LPIN1: variants seen among roughly 807,000 people sequenced by gnomAD.
LPIN1 encodes the protein phosphatidate phosphatase LPIN1.
LPIN1 carries 71 observed loss-of-function variants against 107.5 expected under a neutral mutation model. The observed-to-expected ratio is 0.66, with a 90% CI of 0.55 to 0.80. LPIN1 has a LOEUF of 0.80. Among genes scored for constraint, LPIN1 ranks in the 30% least tolerant of loss-of-function variants. The pLI, the probability that LPIN1 is intolerant of heterozygous loss-of-function variation, is 0.00. For missense variants in LPIN1, 1,043 were observed against 1,160.6 expected (o/e 0.90, Z 1.47); for synonymous variants, 445 against 452.6 (o/e 0.98, Z 0.21).
chr2:11,690,647 A>G (rs952218811), intron 1 of LPIN1, among the ~76,000 whole-genome samples: 1 of 151,954 alleles, frequency 6.6e-6, no homozygotes, highest in African/African-American at 2.4e-5. Flanking sequence ...TTCTTTCTTA[A>G]TCTCTTTGAC....
At chr2:11,805,218 A>T (rs1678467404) in intron 17 of LPIN1, 62 bp downstream of exon 17, 1 of 1,266,366 alleles carries the variant, frequency 7.9e-7, no homozygotes, top group Admixed American at 1.7e-5. Context: ...CGCACTCTGC[A>T]TATGGAATCT....
chr2:11,819,739 C>T, intron 19 of LPIN1, 141 bp downstream of exon 19: 1 of 758,566 alleles, frequency 1.3e-6, no homozygotes, highest in South Asian at 1.4e-5. Context: ...AGCCACTTGC[C>T]CACATCTAAA....
chr2:11,686,724 G>A (rs915689992), intron 1 of LPIN1, among the ~76,000 whole-genome samples: 1 of 152,156 alleles, frequency 6.6e-6, no homozygotes, highest in Non-Finnish European at 1.5e-5. Context: ...CTCACCTTCT[G>A]CTCTCATCAC....
chr2:11,802,996 G>A lies in LPIN1; in HGVS notation c.1976G>A (p.Ser659Asn). The change falls in exon 15 of 21, where the codon AGC (serine) becomes AAC (asparagine). Residue 659 changes from serine to asparagine, a missense_variant. Physicochemically the swap from Ser to Asn is conservative, Grantham distance 46. Transcript: ENST00000674199. ...AGHLPLLPNV[S>N]YKKTLRLTSE... ...CACCTCCCTCTTCTGCCTAATGTCA[G>A]CTACAAGAAGACTCTCCGGCTGACT... 6.2e-7 allele frequency: 1 copy of A among 1,613,042 alleles called. No individual in the cohort carries two copies. The highest frequency in any genetic ancestry group is 8.5e-7 in the Non-Finnish European group (1 of 1,180,026).
chr2:11,747,349 A>G (rs747421053), intron 1 of LPIN1, among the ~76,000 whole-genome samples: 4 of 152,258 alleles, frequency 2.6e-5, no homozygotes, highest in Non-Finnish European at 5.9e-5. Context: ...GGGCAAGGCC[A>G]GGAAAATGCA....
upstream of LPIN1, chr2:11,746,584 TGCCCC>T: frequency 1.1e-6 from 1 of 897,412 alleles, no homozygotes; most frequent in Non-Finnish European, 1.3e-6. Flanking sequence ...CCCCCGCCCC[TGCCCC>T]GCCCCCGAAG....
At chr2:11,685,434 A>G (rs775951595) in intron 1 of LPIN1, among the ~76,000 whole-genome samples, 2 of 152,198 alleles carry the variant, frequency 1.3e-5, no homozygotes, top group Non-Finnish European at 2.9e-5. Flanking sequence ...AGGCTGTTGC[A>G]ATAATCCAAG....
chr2:11,770,372 C>G (rs1671649721), intron 3 of LPIN1, among the ~76,000 whole-genome samples: 1 of 152,142 alleles, frequency 6.6e-6, no homozygotes, highest in South Asian at 2.1e-4. Context: ...TCCTTCAGCA[C>G]TGCTTGGTAC....
upstream of LPIN1, among the ~76,000 whole-genome samples, chr2:11,722,801 A>G (rs192073494): frequency 6.6e-5 from 10 of 152,374 alleles, no homozygotes; most frequent in East Asian, 1.7e-3. Context: ...GGAAGATCTG[A>G]AAATACTACA....
At chr2:11,679,525 G>C (rs1331023784) in intron 1 of LPIN1, among the ~76,000 whole-genome samples, 2 of 152,176 alleles carry the variant, frequency 1.3e-5, no homozygotes, top group Admixed American at 6.5e-5. Context: ...TTCACCGAAG[G>C]CTCCTTGTAA....
chr2:11,790,769 T>A (rs1161927024), intron 12 of LPIN1, among the ~76,000 whole-genome samples: 1 of 152,260 alleles, frequency 6.6e-6, no homozygotes, highest in Non-Finnish European at 1.5e-5. Flanking sequence ...GTTCCTGTGA[T>A]ATGTGTCCTT....
upstream of LPIN1, among the ~76,000 whole-genome samples, chr2:11,742,535 C>T (rs1027640903): frequency 3.3e-5 from 5 of 152,184 alleles, no homozygotes; most frequent in East Asian, 7.7e-4. Flanking sequence ...TGGTGATATG[C>T]GGGGTCTTTT....
intron 11 of LPIN1, 86 bp from the exon 12 acceptor site, chr2:11,788,301 C>A: frequency 9.6e-7 from 1 of 1,043,572 alleles, no homozygotes; most frequent in Non-Finnish European, 1.5e-6. Context: ...GAGTCCCGAG[C>A]TTTCCTTGAC....
At position 11,763,963 on chromosome 2, in the gene LPIN1, T is replaced by TTGTGTG. The variant is rs1309608635; in HGVS notation, c.-9-1570_-9-1569insTGTGTG. ...AATTCGGTGACACTGACATATATTT[T>TTGTGTG]AGTGTGTGTGTGTGTGTGTGTGTGT... On this transcript the variant is annotated intron_variant, in intron 1 of 20. Transcript: ENST00000674199. 5.9e-4 allele frequency among the ~76,000 whole-genome samples: 52 copies of TTGTGTG among 87,680 alleles called. 1 individual carries two copies. The highest frequency in any genetic ancestry group is 2.7e-3 in the African/African-American group (48 of 17,754). The allele number at this position is 87,680 out of a possible 152,430, so 57.5% of individuals were successfully genotyped here.
chr2:11,678,575 G>A (rs749634063), intron 1 of LPIN1, among the ~76,000 whole-genome samples: 2 of 152,184 alleles, frequency 1.3e-5, no homozygotes, highest in Non-Finnish European at 2.9e-5. Context: ...GCATCCTAGG[G>A]GGATAGAGTG....
intron 1 of LPIN1, among the ~76,000 whole-genome samples, chr2:11,731,280 A>G (rs74200992): frequency 6.8e-6 from 1 of 146,200 alleles, no homozygotes; most frequent in South Asian, 2.1e-4. Flanking sequence ...CCCTGTGTCC[A>G]TGTGTTCTCA....
At chr2:11,773,143 A>G (rs1672124600) in intron 4 of LPIN1, among the ~76,000 whole-genome samples, 1 of 152,230 alleles carries the variant, frequency 6.6e-6, no homozygotes. Flanking sequence ...GTTATTCTGT[A>G]ATCGTAAGGC....
intron 1 of LPIN1, among the ~76,000 whole-genome samples, chr2:11,690,112 G>A (rs1295790366): frequency 1.3e-5 from 2 of 152,014 alleles, no homozygotes; most frequent in Non-Finnish European, 2.9e-5. Context: ...ATTGTTTTCA[G>A]TAAAAAAAAG....
At chr2:11,773,483 G>T in intron 4 of LPIN1, 137 bp from the exon 5 acceptor site, 1 of 751,086 alleles carries the variant, frequency 1.3e-6, no homozygotes, top group East Asian at 2.6e-5. Flanking sequence ...CCCCTCCACT[G>T]CCTGGAACAG....
Sources: gnomAD v4.1 joint callset for allele counts (sites outside exome capture counted in the v4.1 genomes callset) on GRCh38, gnomAD v4.1.1 for gene constraint, MANE v1.5 for transcripts, NCBI Gene and HGNC (gene_info 2026-07-23, HGNC 2026-07-21) for gene names.